The following FREM3 variants were observed in gnomAD, a reference collection of about 807,000 sequenced individuals.
FREM3 encodes the protein FRAS1 related extracellular matrix 3, also known as FRAS1-related extracellular matrix protein 3.
In FREM3, 105 loss-of-function variants were observed where a neutral mutation model predicts 129.1. The observed-to-expected ratio is 0.81, with a 90% CI of 0.69 to 0.96. The LOEUF (loss-of-function observed/expected upper bound fraction) is 0.96. FREM3 is among the 40% of genes least tolerant of loss of function. The pLI is 0.00. For synonymous variants in FREM3, 1,014 were observed against 1,044.9 expected (o/e 0.97, Z 0.57); for missense variants, 2,593 against 2,666.3 (o/e 0.97, Z 0.61).
chr4:143,621,183 C>T (rs552524757), intron 4 of FREM3, 21 bp from the exon 5 acceptor site: 2 of 1,536,124 alleles, frequency 1.3e-6, no homozygotes, highest in African/African-American at 2.7e-5. Context: ...TGGCAGAAGA[C>T]TTTTCACCAA....
rs954779169 is a variant in FREM3, at chr4:143,699,837, C to T, written c.839G>A (p.Gly280Glu). The change falls in exon 1 of 8, where the codon GGG becomes GAG. Residue 280 changes from glycine to glutamate, a missense_variant. Around this residue, in one of 2 missense-constraint regions of FREM3, gnomAD observed 2,276 missense variants for 2,267.2 expected, o/e 1.00. Transcript: ENST00000329798. This position sits in a 1 kb window ranked among gnomAD's most constrained non-coding sequence, Gnocchi z 4.2. ...CTCGCGGACCAGCACACCCGCGGAC[C>T]CAGCGTCTTGGCCCTCAGGCCCCAG... is the stretch of plus-strand genomic sequence containing the variant. The part of the protein sequence containing the change: ...ELLGPEGQDA[G>E]SAGVLVREHF... The T allele has an allele frequency of 1.3e-6, 2 of 1,536,558 alleles. No homozygotes were observed. Among genetic ancestry groups the T allele is most frequent in the Admixed American group, 3.9e-5 (2 of 51,010 alleles).
intron 2 of FREM3, among the ~76,000 whole-genome samples, chr4:143,687,845 C>T (rs909893522): frequency 6.6e-6 from 1 of 152,032 alleles, no homozygotes; most frequent in African/African-American, 2.4e-5. Context: ...GCAAAATTGG[C>T]ACACAAGGGA....
At chr4:143,612,926 T>A (rs948179339) in intron 5 of FREM3, among the ~76,000 whole-genome samples, 13 of 152,208 alleles carry the variant, frequency 8.5e-5, no homozygotes, top group Non-Finnish European at 1.6e-4. Context: ...TCCAGTCTTG[T>A]AAGAGTCTTT....
Position 143,624,351 on chromosome 4 carries a change from C to T in FREM3, c.5423-13G>A. The stretch of plus-strand genomic sequence containing the variant: ...TTGGTACCAATGCCTGAATAAAAAT[C>T]AGAAAACTATAAATATAAAGCCAAG... On this transcript the variant is annotated splice_polypyrimidine_tract_variant and intron_variant, in intron 3 of 7. Transcript: ENST00000329798. 1 of 1,478,516 alleles carries T rather than the reference C, an allele frequency of 6.8e-7. No individual in the cohort carries two copies. Among genetic ancestry groups the T allele is most frequent in the East Asian group, 2.5e-5 (1 of 40,578 alleles). 91.6% of individuals were successfully genotyped at this position (1,478,516 alleles called of 1,614,324 possible). A position where few individuals can be genotyped will look rare whatever the true frequency, so the allele number is the denominator to read the frequency against.
At chr4:143,581,948 C>T (rs1738155277) in intron 7 of FREM3, among the ~76,000 whole-genome samples, 1 of 152,174 alleles carries the variant, frequency 6.6e-6, no homozygotes, top group African/African-American at 2.4e-5. Flanking sequence ...CAGCTCTTAG[C>T]TGCCCTAAGG....
intron 2 of FREM3, among the ~76,000 whole-genome samples, chr4:143,658,664 G>A (rs913675115): frequency 6.6e-6 from 1 of 152,228 alleles, no homozygotes; most frequent in African/African-American, 2.4e-5. Context: ...GGCTTTGAAT[G>A]TGGCCCAACA....
At chr4:143,650,271 G>A (rs1450660595) in intron 2 of FREM3, among the ~76,000 whole-genome samples, 6 of 152,182 alleles carry the variant, frequency 3.9e-5, no homozygotes, top group Admixed American at 3.9e-4. Flanking sequence ...AAAACCAATA[G>A]AAGGCACTGT....
chr4:143,686,966 A>G (rs1440062466), intron 2 of FREM3, among the ~76,000 whole-genome samples: 2 of 152,176 alleles, frequency 1.3e-5, no homozygotes. Flanking sequence ...AAGAAAGGCA[A>G]TAACCAAGAT....
intron 2 of FREM3, among the ~76,000 whole-genome samples, chr4:143,661,257 C>T (rs1323683882): frequency 2.0e-5 from 3 of 152,130 alleles, no homozygotes; most frequent in Non-Finnish European, 4.4e-5. Flanking sequence ...AGATACGTCC[C>T]ATCAATACCT....
intron 7 of FREM3, among the ~76,000 whole-genome samples, chr4:143,579,143 C>T (rs1738091163): frequency 6.6e-6 from 1 of 151,770 alleles, no homozygotes; most frequent in African/African-American, 2.4e-5. Flanking sequence ...CTAAAAGGCA[C>T]CAAATAGTGA....
At chr4:143,629,306 C>T in intron 2 of FREM3, among the ~76,000 whole-genome samples, 1 of 152,178 alleles carries the variant, frequency 6.6e-6, no homozygotes, top group East Asian at 1.9e-4. Flanking sequence ...AAGCTGGCCT[C>T]AGCCCTCCTT....
In FREM3 at chr4:143,611,187, G is replaced by T; in HGVS notation, c.6028+92C>A. ...AAGAACATCAAATATTCTTTTAAAA[G>T]ATAATTTAAGCTACATTTGCCTTTC... On this transcript the variant is annotated intron_variant, in intron 6 of 7. Transcript: ENST00000329798. The T allele has an allele frequency of 1.1e-5, 14 of 1,332,562 alleles. 1 individual carries two copies. The South Asian group carries it at 2.1e-4, about 20-fold the overall frequency. The allele number at this position is 1,332,562 out of a possible 1,614,324, so 82.5% of individuals were successfully genotyped here. A position where few individuals can be genotyped will look rare whatever the true frequency, so the allele number is the denominator to read the frequency against.
chr4:143,691,964 G>A (rs2149862598), intron 2 of FREM3, among the ~76,000 whole-genome samples: 1 of 152,294 alleles, frequency 6.6e-6, no homozygotes, highest in East Asian at 1.9e-4. Context: ...GAGAACTTGG[G>A]AAAGGGAAGG....
intron 2 of FREM3, among the ~76,000 whole-genome samples, chr4:143,653,017 G>T (rs1739538984): frequency 6.6e-6 from 1 of 152,164 alleles, no homozygotes; most frequent in Non-Finnish European, 1.5e-5. Context: ...AAATAATAGG[G>T]CTTGACTCTA....
At chr4:143,669,854 G>C (rs1462873918) in intron 2 of FREM3, among the ~76,000 whole-genome samples, 1 of 152,074 alleles carries the variant, frequency 6.6e-6, no homozygotes, top group Non-Finnish European at 1.5e-5. Context: ...GTGCAGGTTT[G>C]TTACATGGGT....
At chr4:143,644,982 A>G (rs956146822) in intron 2 of FREM3, 3 of 152,166 alleles carry the variant, frequency 2.0e-5, no homozygotes, top group African/African-American at 4.8e-5. Flanking sequence ...CCTTCTTTCT[A>G]TGTATTAGTA....
chr4:143,700,396 G>T lies in FREM3; in HGVS notation c.280C>A (p.Arg94=), dbSNP rs770266549. 2.0e-6 allele frequency: 3 copies of T among 1,534,476 alleles called. No individual in the cohort carries two copies. Among genetic ancestry groups the T allele is most frequent in the Non-Finnish European group, 1.7e-6 (2 of 1,145,886 alleles). Residue 94 remains arginine, a synonymous_variant, in exon 1 of 8, where the codon CGG becomes AGG. Coordinates refer to ENST00000329798, the MANE Select transcript of FREM3 (RefSeq NM_001168235.2). ...GCGTCCAGTACCGTGACTTCGCACCGGTCCCCCGGCTGCACTCCAATCACC... is the reference window on the plus strand; with the variant it reads ...GCGTCCAGTACCGTGACTTCGCACCTGTCCCCCGGCTGCACTCCAATCACC... The part of the protein sequence containing the change: ...DLVIGVQPGD[R]CEVTVLDALP...
intron 2 of FREM3, among the ~76,000 whole-genome samples, chr4:143,650,229 A>T (rs550051452): frequency 6.6e-6 from 1 of 152,344 alleles, no homozygotes; most frequent in East Asian, 1.9e-4. Context: ...TGCCTATCTT[A>T]TTGTAGCCAT....
intron 2 of FREM3, among the ~76,000 whole-genome samples, chr4:143,634,098 T>G (rs545316616): frequency 1.2e-3 from 179 of 152,272 alleles, no homozygotes; most frequent in African/African-American, 4.3e-3. Context: ...ATAGCTGATT[T>G]AGAGAAGCCA....
Sources: allele counts gnomAD v4.1 joint callset (sites outside exome capture counted in the v4.1 genomes callset), GRCh38; gene constraint gnomAD v4.1.1; regional missense constraint gnomAD v4.1.1; non-coding constraint Gnocchi (gnomAD v3.1); transcripts MANE v1.5; gene names NCBI Gene and HGNC (gene_info 2026-07-23, HGNC 2026-07-21).